The following YKT6 variants were observed in gnomAD, a reference collection of about 807,000 sequenced individuals.
YKT6 encodes synaptobrevin homolog YKT6.
A neutral mutation model predicts 29.3 loss-of-function variants in YKT6; 12 were observed. The observed-to-expected ratio is 0.41, with a 90% CI of 0.26 to 0.66. YKT6 has a LOEUF of 0.66. Among genes scored for constraint, YKT6 ranks in the 30% least tolerant of loss-of-function variants. The pLI is 0.32. For synonymous variants in YKT6, 86 were observed against 94.3 expected (o/e 0.91, Z 0.51); for missense variants, 188 against 243.8 (o/e 0.77, Z 1.52).
Position 44,212,465 on chromosome 7 carries a change from G to T in YKT6, c.*183G>T, listed in dbSNP as rs886149889. On this transcript the variant is annotated 3_prime_UTR_variant, in exon 7 of 7. Coordinates refer to ENST00000223369, the MANE Select transcript of YKT6 (RefSeq NM_006555.4). ...GTGGCGAATGTTCAAATTCATATGT[G>T]TGGTAGTGATTCTTGGAAAGAATTT... 1.4e-6 allele frequency: 1 copy of T among 700,704 alleles called. No individual in the cohort carries two copies. Among genetic ancestry groups the T allele is most frequent in the Non-Finnish European group, 2.3e-6 (1 of 437,964 alleles). The allele number at this position is 700,704 out of a possible 1,614,324, so 43.4% of individuals were successfully genotyped here.
chr7:44,212,219 T>C (rs1379111664), intron 6 of YKT6, 28 bp from the exon 7 acceptor site: 24 of 1,613,892 alleles, frequency 1.5e-5, no homozygotes, highest in East Asian at 4.5e-5. Context: ...CAGTCCTCCT[T>C]CTCAGCTCCT....
At position 44,201,060 on chromosome 7, in the gene YKT6, G is replaced by C. The variant is rs1367575268; in HGVS notation, c.-76G>C. The C allele has an allele frequency of 2.3e-6, 3 of 1,327,708 alleles. No individual in the cohort carries two copies. Among genetic ancestry groups the C allele is most frequent in the African/African-American group, 3.1e-5 (2 of 64,458 alleles). The allele number at this position is 1,327,708 out of a possible 1,614,324, so 82.2% of individuals were successfully genotyped here. A position where few individuals can be genotyped will look rare whatever the true frequency, so the allele number is the denominator to read the frequency against. On this transcript the variant is annotated 5_prime_UTR_variant, in exon 1 of 7. Transcript: ENST00000223369. ...GAGGCCGGTAGGCGGCGGCGGTCCC[G>C]AGGGGCGGCGGCCGCGCTGCTCCCT...
At chr7:44,210,892 A>C in intron 5 of YKT6, 131 bp from the exon 6 acceptor site, 1 of 835,374 alleles carries the variant, frequency 1.2e-6, no homozygotes, top group Non-Finnish European at 2.0e-6. Flanking sequence ...GAGTCTCGAC[A>C]CCTAGAGGTG....
At chr7:44,202,196 C>T (rs1013547220) in intron 1 of YKT6, among the ~76,000 whole-genome samples, 1 of 151,558 alleles carries the variant, frequency 6.6e-6, no homozygotes, top group Non-Finnish European at 1.5e-5. Flanking sequence ...AGTTCTTTGC[C>T]AAGGACTTGC....
At chr7:44,201,801 C>CT (rs1203428600) in intron 1 of YKT6, among the ~76,000 whole-genome samples, 4 of 152,050 alleles carry the variant, frequency 2.6e-5, no homozygotes, top group Admixed American at 6.5e-5. Flanking sequence ...TAGTGATATA[C>CT]TTTTTTTTGT....
intron 6 of YKT6, 80 bp downstream of exon 6, chr7:44,211,204 T>C (rs150354139): frequency 1.1e-5 from 13 of 1,225,020 alleles, no homozygotes; most frequent in Middle Eastern, 2.0e-4. Flanking sequence ...CACTCTCCAC[T>C]ATGAACGGGT....
intron 5 of YKT6, 53 bp downstream of exon 5, chr7:44,208,251 C>T: frequency 2.5e-6 from 4 of 1,585,870 alleles, no homozygotes; most frequent in South Asian, 2.2e-5. Flanking sequence ...GGTGCGATTT[C>T]CACTGGCCAG....
At chr7:44,212,187 AT>A in intron 6 of YKT6, 59 bp from the exon 7 acceptor site, 1 of 1,609,384 alleles carries the variant, frequency 6.2e-7, no homozygotes, top group Non-Finnish European at 8.5e-7. Flanking sequence ...GCCTGCCAGG[AT>A]TGGGGCTTCC....
chr7:44,206,520 G>A (rs965977454), intron 3 of YKT6, 35 bp downstream of exon 3: 1 of 1,572,264 alleles, frequency 6.4e-7, no homozygotes, highest in Non-Finnish European at 8.7e-7. Flanking sequence ...GGACTTGGAT[G>A]ATGAATGGGC....
intron 5 of YKT6, among the ~76,000 whole-genome samples, chr7:44,209,466 C>T (rs1414884603): frequency 1.3e-5 from 2 of 152,208 alleles, no homozygotes; most frequent in African/African-American, 4.8e-5. Flanking sequence ...TTCTGTTGCT[C>T]AAGTCCTAGT....
At chr7:44,201,497 C>T (rs1005121387) in intron 1 of YKT6, among the ~76,000 whole-genome samples, 12 of 152,174 alleles carry the variant, frequency 7.9e-5, no homozygotes, top group African/African-American at 2.7e-4. Context: ...GTGGACTCTA[C>T]CTTTGAGGAA....
At chr7:44,205,053 A>G (rs1449147893) in intron 2 of YKT6, among the ~76,000 whole-genome samples, 1 of 152,244 alleles carries the variant, frequency 6.6e-6, no homozygotes, top group Non-Finnish European at 1.5e-5. Flanking sequence ...CTTTCTGATA[A>G]TTCAGGTTTA....
In YKT6 at chr7:44,212,385, G is replaced by A. The variant is rs1445112450; in HGVS notation, c.*103G>A. The A allele has an allele frequency of 5.5e-6, 8 of 1,441,460 alleles. No homozygotes were observed. The highest frequency in any genetic ancestry group is 7.7e-6 in the Non-Finnish European group (8 of 1,044,684). 89.3% of individuals were successfully genotyped at this position (1,441,460 alleles called of 1,614,324 possible). On this transcript the variant is annotated 3_prime_UTR_variant, in exon 7 of 7. Coordinates refer to ENST00000223369, the MANE Select transcript of YKT6 (RefSeq NM_006555.4). ...AGCCATAGACGAGGAGCCAGAGTGGGGGCAGACTGGCCATTTTTATTTTGA... is the reference window on the plus strand; with the variant it reads ...AGCCATAGACGAGGAGCCAGAGTGGAGGCAGACTGGCCATTTTTATTTTGA...
In YKT6 at chr7:44,204,590, A is replaced by G; in HGVS notation, c.127A>G (p.Thr43Ala). 1 of 1,614,224 alleles carries G rather than the reference A, an allele frequency of 6.2e-7. No individual in the cohort carries two copies. The highest frequency in any genetic ancestry group is 8.5e-7 in the Non-Finnish European group (1 of 1,180,026). Reference protein sequence around the residue: ...RSSVQEFMTFTSQLIVERSSK... With the variant: ...RSSVQEFMTFASQLIVERSSK... Reference sequence around the variant, plus strand: ...TAGCGTTCAGGAATTCATGACCTTCACGAGTCAACTGATTGTGGAGCGCTC... The same window carrying G: ...TAGCGTTCAGGAATTCATGACCTTCGCGAGTCAACTGATTGTGGAGCGCTC... Residue 43 changes from threonine to alanine, a missense_variant, in exon 2 of 7, where the codon ACG becomes GCG. Thr to Ala is a moderately conservative substitution (Grantham distance 58, BLOSUM62 0). Transcript: ENST00000223369.
chr7:44,201,970 G>C (rs908292807), intron 1 of YKT6, among the ~76,000 whole-genome samples: 10 of 152,170 alleles, frequency 6.6e-5, no homozygotes, highest in Non-Finnish European at 1.2e-4. Flanking sequence ...GGGCTTACAG[G>C]CTTTTACTTG....
At chr7:44,208,381 T>C (rs2096343210) in intron 5 of YKT6, 183 bp downstream of exon 5, 11 of 594,586 alleles carry the variant, frequency 1.9e-5, no homozygotes, top group Admixed American at 1.2e-4. Flanking sequence ...ACCCTTCTCT[T>C]GGTTAATGGC....
rs771358279 is a variant in YKT6 at position 44,201,254 on chromosome 7, C to G, written c.104+15C>G. The stretch of plus-strand genomic sequence containing the variant: ...CAGAGATCCAGGTGAGCGGCACAGG[C>G]TGGTGGGCCGTGGCGGTCGGGCGGA... On this transcript the variant is annotated intron_variant, in intron 1 of 6. Coordinates refer to ENST00000223369, the MANE Select transcript of YKT6 (RefSeq NM_006555.4). 1 of 1,570,186 alleles carries G rather than the reference C, an allele frequency of 6.4e-7. No individual in the cohort carries two copies. The highest frequency in any genetic ancestry group is 8.7e-7 in the Non-Finnish European group (1 of 1,153,254).
chr7:44,212,333 A>G lies in YKT6; in HGVS notation c.*51A>G, dbSNP rs765346179. 6.2e-7 allele frequency: 1 copy of G among 1,602,614 alleles called. No individual in the cohort carries two copies. Among genetic ancestry groups the G allele is most frequent in the Admixed American group, 1.7e-5 (1 of 59,838 alleles). ...GGAATGGCACCATCATTCACATCAG[A>G]ACTGCAGCCCCTGGAAAAGAAGAGA... On this transcript the variant is annotated 3_prime_UTR_variant, in exon 7 of 7. Coordinates refer to ENST00000223369, the MANE Select transcript of YKT6 (RefSeq NM_006555.4).
chr7:44,211,530 A>C (rs983743462), intron 6 of YKT6: 3 of 1,010,768 alleles, frequency 3.0e-6, no homozygotes, highest in Non-Finnish European at 2.4e-6. Context: ...AGAGGTTCTT[A>C]AGCTTTTAAT....
Sources: allele counts gnomAD v4.1 joint callset (sites outside exome capture counted in the v4.1 genomes callset), GRCh38; gene constraint gnomAD v4.1.1; transcripts MANE v1.5; gene names NCBI Gene and HGNC (gene_info 2026-07-23, HGNC 2026-07-21).